AFF3: variants seen among roughly 807,000 people sequenced by gnomAD.
The protein encoded by AFF3 is AF4/FMR2 family member 3.
AFF3 carries 32 observed loss-of-function variants against 129.7 expected under a neutral mutation model. The ratio of observed to expected loss-of-function variants is 0.25; its 90% CI spans 0.19 to 0.33. AFF3 has a LOEUF of 0.33. AFF3 is among the 10% of genes least tolerant of loss of function. AFF3 has a pLI of 1.00. For missense variants in AFF3, 1,373 were observed against 1,592.0 expected, an observed-to-expected ratio of 0.86 and a Z score of 2.34; for synonymous variants, 644 against 635.4, an observed-to-expected ratio of 1.01 and a Z score of -0.20.
At chr2:100,111,390 G>A (rs1691506484) in intron 2 of AFF3, among the ~76,000 whole-genome samples, 1 of 152,228 alleles carries the variant, frequency 6.6e-6, no homozygotes, top group Non-Finnish European at 1.5e-5. Context: ...CTACTTCTGA[G>A]TTCACTCCAA....
At chr2:100,036,292 C>G (rs1199351832) in intron 4 of AFF3, among the ~76,000 whole-genome samples, 1 of 152,004 alleles carries the variant, frequency 6.6e-6, no homozygotes, top group Non-Finnish European at 1.5e-5. Flanking sequence ...ATAATCCTAG[C>G]ATTGCCCACA....
intron 7 of AFF3, among the ~76,000 whole-genome samples, chr2:100,002,717 T>C (rs1340221650): frequency 6.6e-6 from 1 of 152,226 alleles, no homozygotes; most frequent in Non-Finnish European, 1.5e-5. Context: ...TCCCAGCCAC[T>C]GGAGCCCTCT....
intron 12 of AFF3, among the ~76,000 whole-genome samples, chr2:99,667,059 C>T (rs532717383): frequency 6.6e-6 from 1 of 152,144 alleles, no homozygotes; most frequent in Non-Finnish European, 1.5e-5. Context: ...ATTAATAGAA[C>T]ACCCTACCCA....
intron 7 of AFF3, among the ~76,000 whole-genome samples, chr2:99,970,732 T>G (rs1461207874): frequency 6.6e-6 from 1 of 152,200 alleles, no homozygotes; most frequent in African/African-American, 2.4e-5. Context: ...CGCAGGGGCT[T>G]TGACGTGGAG....
chr2:99,909,274 G>T (rs1483732915), intron 7 of AFF3, among the ~76,000 whole-genome samples: 1 of 150,600 alleles, frequency 6.6e-6, no homozygotes, highest in Non-Finnish European at 1.5e-5. Context: ...ACTCATAGGT[G>T]GGAATTGAAC....
intron 2 of AFF3, among the ~76,000 whole-genome samples, chr2:100,108,829 A>G (rs1243038634): frequency 6.6e-6 from 1 of 151,490 alleles, no homozygotes; most frequent in East Asian, 1.9e-4. Flanking sequence ...TATTGAATGT[A>G]AGTAGTTGCT....
intron 4 of AFF3, among the ~76,000 whole-genome samples, chr2:100,086,680 G>C (rs1315237539): frequency 2.0e-5 from 3 of 152,200 alleles, no homozygotes; most frequent in Non-Finnish European, 4.4e-5. Context: ...CTATTACCAA[G>C]GTTATTCTAC....
Position 100,104,491 on chromosome 2 carries a change from C to A in AFF3, c.-37G>T. ...TCAGCGTCGCCGCCGCCGCTACCGCCGCCGCCGAGGCTCGGGCCGCCCGCG... is the reference window on the plus strand; with the variant it reads ...TCAGCGTCGCCGCCGCCGCTACCGCAGCCGCCGAGGCTCGGGCCGCCCGCG... On this transcript the variant is annotated 5_prime_UTR_variant, in exon 4 of 25. Transcript: ENST00000672756. The A allele has an allele frequency of 7.7e-7, 1 of 1,302,378 alleles. No homozygotes were observed. The highest frequency in any genetic ancestry group is 1.0e-6 in the Non-Finnish European group (1 of 1,000,118). 80.7% of individuals were successfully genotyped at this position (1,302,378 alleles called of 1,614,324 possible). A position where few individuals can be genotyped will look rare whatever the true frequency, so the allele number is the denominator to read the frequency against.
chr2:99,740,818 A>C (rs1680661193), intron 10 of AFF3, among the ~76,000 whole-genome samples: 1 of 152,012 alleles, frequency 6.6e-6, no homozygotes, highest in Non-Finnish European at 1.5e-5. Flanking sequence ...CTTTAGTTTA[A>C]TTAGATGCCA....
At chr2:99,846,732 C>T (rs1159454737) in intron 7 of AFF3, among the ~76,000 whole-genome samples, 2 of 152,176 alleles carry the variant, frequency 1.3e-5, no homozygotes, top group South Asian at 2.1e-4. Flanking sequence ...AGTGCTGCTG[C>T]GTATTTGACG....
At chr2:100,095,588 C>A (rs1356058026) in intron 4 of AFF3, among the ~76,000 whole-genome samples, 2 of 152,162 alleles carry the variant, frequency 1.3e-5, no homozygotes, top group Non-Finnish European at 2.9e-5. Flanking sequence ...ATCTGGAATA[C>A]CCCCCATTGT....
At chr2:99,931,092 T>A (rs969334422) in intron 7 of AFF3, among the ~76,000 whole-genome samples, 9 of 152,194 alleles carry the variant, frequency 5.9e-5, no homozygotes, top group African/African-American at 2.2e-4. Flanking sequence ...TAAATAACCA[T>A]GGATTATCAT....
chr2:99,794,835 T>C (rs1331509572), intron 8 of AFF3, among the ~76,000 whole-genome samples: 2 of 152,192 alleles, frequency 1.3e-5, no homozygotes, highest in African/African-American at 4.8e-5. Context: ...CATGGGATCA[T>C]GATTCTGTAC....
At chr2:99,649,772 C>A in intron 12 of AFF3, 106 bp from the exon 13 acceptor site, 1 of 1,275,836 alleles carries the variant, frequency 7.8e-7, no homozygotes, top group Non-Finnish European at 1.1e-6. Flanking sequence ...ACATTTTTGC[C>A]ATGTGGCCAA....
At position 99,650,586 on chromosome 2, in the gene AFF3, T is replaced by A. The variant is rs138372027; in HGVS notation, c.1144-920A>T. Among the ~76,000 whole-genome samples, 1,102 of 151,740 alleles carry A rather than the reference T, an allele frequency of 7.3e-3. 19 individuals carry two copies. The highest frequency in any genetic ancestry group is 0.026 in the African/African-American group (1,056 of 41,360). On this transcript the variant is annotated intron_variant, in intron 12 of 24. Transcript: ENST00000672756. ...AAAATAAATAAATAAAATAAAAAAATTTAAAAAATACAGTGGGAGAAGGGC... is the reference window on the plus strand; with the variant it reads ...AAAATAAATAAATAAAATAAAAAAAATTAAAAAATACAGTGGGAGAAGGGC...
chr2:99,993,433 A>G (rs1425996045), intron 7 of AFF3, among the ~76,000 whole-genome samples: 2 of 152,180 alleles, frequency 1.3e-5, no homozygotes, highest in Admixed American at 1.3e-4. Context: ...AAATTCTCAG[A>G]AAAGAATAAT....
intron 13 of AFF3, among the ~76,000 whole-genome samples, chr2:99,627,342 T>C (rs530133666): frequency 6.6e-6 from 1 of 152,342 alleles, no homozygotes; most frequent in South Asian, 2.1e-4. Context: ...GTTGAGCTTT[T>C]TTTCATATGC....
At chr2:99,744,082 T>C in intron 10 of AFF3, 22 bp downstream of exon 10, 1 of 1,422,564 alleles carries the variant, frequency 7.0e-7, no homozygotes, top group Non-Finnish European at 9.5e-7. Flanking sequence ...CAGATGAAAC[T>C]CCAGAGCGAA....
At chr2:99,736,552 T>C in intron 10 of AFF3, among the ~76,000 whole-genome samples, 1 of 152,174 alleles carries the variant, frequency 6.6e-6, no homozygotes, top group East Asian at 1.9e-4. Context: ...TTTAAATCAA[T>C]TTGGTCAATA....
Sources: allele counts gnomAD v4.1 joint callset (sites outside exome capture counted in the v4.1 genomes callset), GRCh38; gene constraint gnomAD v4.1.1; transcripts MANE v1.5; gene names NCBI Gene and HGNC (gene_info 2026-07-23, HGNC 2026-07-21).